CNN3: variants seen among roughly 807,000 people sequenced by gnomAD.
The protein encoded by CNN3 is calponin 3, also known as calponin-3.
CNN3 carries 11 observed loss-of-function variants against 39.0 expected under a neutral mutation model. The ratio of observed to expected loss-of-function variants is 0.28; its 90% CI spans 0.18 to 0.47. CNN3 has a LOEUF of 0.47. Ranked by LOEUF, CNN3 falls within the 20% of genes least tolerant of loss-of-function variation. The pLI, the probability that CNN3 is intolerant of heterozygous loss-of-function variation, is 0.99. For synonymous variants in CNN3, 101 were observed against 138.3 expected (o/e 0.73, Z 1.89); for missense variants, 266 against 403.4 (o/e 0.66, Z 2.92).
chr1:94,919,560 CT>C (rs1571534894), intron 1 of CNN3, among the ~76,000 whole-genome samples: 2 of 152,240 alleles, frequency 1.3e-5, no homozygotes, highest in East Asian at 3.9e-4. Context: ...TTCACAGAGC[CT>C]GGGTAACATT....
At chr1:94,924,840 G>A (rs1671538535) in intron 1 of CNN3, among the ~76,000 whole-genome samples, 1 of 152,162 alleles carries the variant, frequency 6.6e-6, no homozygotes, top group Non-Finnish European at 1.5e-5. Flanking sequence ...TTACAGGACT[G>A]CTCTGCTGTT....
chr1:94,925,737 A>C (rs1439014974), intron 1 of CNN3: 3 of 985,424 alleles, frequency 3.0e-6, no homozygotes, highest in Non-Finnish European at 3.6e-6. Flanking sequence ...TGCGGTGGCA[A>C]TCCTGACATG....
intron 1 of CNN3, among the ~76,000 whole-genome samples, chr1:94,904,610 G>T (rs567465454): frequency 3.7e-4 from 56 of 152,234 alleles, no homozygotes; most frequent in African/African-American, 1.3e-3. Context: ...AGCTGGGCTT[G>T]ACGATGCATG....
intron 1 of CNN3, chr1:94,925,644 A>C (rs1671555397): frequency 1.0e-6 from 1 of 985,256 alleles, no homozygotes; most frequent in Non-Finnish European, 1.2e-6. Flanking sequence ...TCTTTACATA[A>C]TTCGCTTCAC....
chr1:94,899,852 G>T (rs1349580064), intron 5 of CNN3, among the ~76,000 whole-genome samples: 1 of 152,204 alleles, frequency 6.6e-6, no homozygotes, highest in East Asian at 1.9e-4. Flanking sequence ...ACCAGCTTCG[G>T]TTATTTCAAC....
At chr1:94,918,136 T>G (rs149575523) in intron 1 of CNN3, among the ~76,000 whole-genome samples, 1 of 152,340 alleles carries the variant, frequency 6.6e-6, no homozygotes, top group Admixed American at 6.5e-5. Context: ...TATATCCAAA[T>G]GTACCCACCA....
intron 1 of CNN3, among the ~76,000 whole-genome samples, chr1:94,921,903 G>T (rs1334340835): frequency 3.3e-5 from 5 of 152,150 alleles, no homozygotes; most frequent in Admixed American, 3.3e-4. Flanking sequence ...AGCAATAGCT[G>T]GTTCCTACCA....
intron 5 of CNN3, 77 bp downstream of exon 5, chr1:94,901,592 G>C (rs939371880): frequency 2.0e-6 from 2 of 993,384 alleles, no homozygotes; most frequent in South Asian, 2.8e-5. Flanking sequence ...CTATTCTTAG[G>C]AGAGGCTTAA....
Position 94,903,319 on chromosome 1 carries a change from C to A in CNN3, c.179+84G>T, listed in dbSNP as rs186284039. 160 of 1,544,454 alleles carry A rather than the reference C, an allele frequency of 1.0e-4. No homozygotes were observed. In the African/African-American group the frequency reaches 2.0e-3, roughly 19 times the overall value. ...ATCTGTAGAATATCAAGGTCTGACACCCTGGGCTGAGAAGGAGAGTGAGAG... is the reference window on the plus strand; with the variant it reads ...ATCTGTAGAATATCAAGGTCTGACAACCTGGGCTGAGAAGGAGAGTGAGAG... On this transcript the variant is annotated intron_variant, in intron 2 of 6. Transcript: ENST00000370206.
At chr1:94,907,839 A>C (rs565322064) in intron 1 of CNN3, among the ~76,000 whole-genome samples, 11 of 152,362 alleles carry the variant, frequency 7.2e-5, no homozygotes, top group South Asian at 6.2e-4. Context: ...CAGCCTGGGC[A>C]ACAGAGCAAG....
intron 1 of CNN3, among the ~76,000 whole-genome samples, chr1:94,903,773 C>T (rs553613630): frequency 9.9e-5 from 15 of 152,116 alleles, no homozygotes; most frequent in Admixed American, 1.3e-4. Context: ...AAGGAGAGAA[C>T]ATCAATCAAG....
rs1265239814 is a variant in CNN3, at chr1:94,925,597, T to A, written c.57+1241A>T. On this transcript the variant is annotated intron_variant, in intron 1 of 6. Transcript: ENST00000370206. ...AACAGCGGGAGACAAGAGCCACAAC[T>A]CTCCCTTGGGGTTTGACAACGGTGC... is the stretch of plus-strand genomic sequence containing the variant. 3 of 985,266 alleles carry A rather than the reference T, an allele frequency of 3.0e-6. No individual in the cohort carries two copies. The East Asian group carries it at 3.4e-4, about 112-fold the overall frequency. 61.0% of individuals were successfully genotyped at this position (985,266 alleles called of 1,614,324 possible).
chr1:94,906,282 C>T (rs990914468), intron 1 of CNN3, among the ~76,000 whole-genome samples: 19 of 152,162 alleles, frequency 1.2e-4, no homozygotes, highest in African/African-American at 3.4e-4. Flanking sequence ...TGCGTCCAGC[C>T]GATAGACACG....
chr1:94,912,137 C>T (rs773140909), intron 1 of CNN3, among the ~76,000 whole-genome samples: 4 of 152,010 alleles, frequency 2.6e-5, no homozygotes, highest in Non-Finnish European at 5.9e-5. Context: ...GTATAACAAA[C>T]GGTAGAAAGA....
intron 3 of CNN3, among the ~76,000 whole-genome samples, chr1:94,902,796 T>G (rs1368334732): frequency 1.3e-5 from 2 of 152,116 alleles, no homozygotes; most frequent in Non-Finnish European, 2.9e-5. Flanking sequence ...GAATGCCTTG[T>G]TTTTTCCCTT....
At chr1:94,919,532 T>C (rs1571534850) in intron 1 of CNN3, among the ~76,000 whole-genome samples, 1 of 152,286 alleles carries the variant, frequency 6.6e-6, no homozygotes, top group African/African-American at 2.4e-5. Flanking sequence ...TGTGCACTAA[T>C]GAAGCACACT....
intron 1 of CNN3, among the ~76,000 whole-genome samples, chr1:94,912,986 T>C (rs1194859467): frequency 2.0e-5 from 3 of 152,208 alleles, no homozygotes; most frequent in Non-Finnish European, 2.9e-5. Flanking sequence ...TGTACCTCAA[T>C]GTTTGGATTT....
At chr1:94,899,554 A>T in intron 5 of CNN3, 37 bp from the exon 6 acceptor site, 3 of 1,603,420 alleles carry the variant, frequency 1.9e-6, no homozygotes, top group Non-Finnish European at 1.7e-6. Context: ...AAATTATCAG[A>T]TGTCAACAAT....
chr1:94,907,412 T>C (rs1297871175), intron 1 of CNN3, among the ~76,000 whole-genome samples: 2 of 152,160 alleles, frequency 1.3e-5, no homozygotes, highest in East Asian at 3.8e-4. Context: ...ATAAAAATGA[T>C]TTACTATCTT....
Sources: gnomAD v4.1 joint callset for allele counts (sites outside exome capture counted in the v4.1 genomes callset) on GRCh38, gnomAD v4.1.1 for gene constraint, MANE v1.5 for transcripts, NCBI Gene and HGNC (gene_info 2026-07-23, HGNC 2026-07-21) for gene names.